WDR70: variants seen among roughly 807,000 people sequenced by gnomAD.
WDR70 encodes WD repeat domain 70, also known as WD repeat-containing protein 70.
WDR70 carries 53 observed loss-of-function variants against 88.6 expected under a neutral mutation model. The observed-to-expected ratio is 0.60, with a 90% CI of 0.48 to 0.75. The LOEUF (loss-of-function observed/expected upper bound fraction) is 0.75, where lower values mean the gene tolerates loss of function less well. Among genes scored for constraint, WDR70 ranks in the 30% least tolerant of loss-of-function variants. The pLI, the probability that WDR70 is intolerant of heterozygous loss-of-function variation, is 0.00. For synonymous variants in WDR70, 280 were observed against 270.0 expected, an observed-to-expected ratio of 1.04 and a Z score of -0.36; for missense variants, 610 against 823.2, an observed-to-expected ratio of 0.74 and a Z score of 3.17.
intron 10 of WDR70, among the ~76,000 whole-genome samples, chr5:37,635,113 CT>C (rs1581453008): frequency 6.6e-6 from 1 of 152,088 alleles, no homozygotes; most frequent in Admixed American, 6.6e-5. Context: ...CCCTGTGCCT[CT>C]TTTACCTATA....
chr5:37,396,546 A>AGAAGAG lies in WDR70; in HGVS notation c.477_482dup (p.Glu163_Glu164dup), dbSNP rs759933034. The AGAAGAG allele has an allele frequency of 6.2e-7, 1 of 1,612,408 alleles. No individual in the cohort carries two copies. The highest frequency in any genetic ancestry group is 1.1e-5 in the South Asian group (1 of 90,866). On this transcript the variant is annotated inframe_insertion, in exon 5 of 18. Transcript: ENST00000265107. The stretch of plus-strand genomic sequence containing the variant: ...AAGAAGAAGAAGAAGCAGAGGAAGA[A>AGAAGAG]GAAGAGGAAGAGGAGGAAGAGGAAG...
At chr5:37,422,356 A>C (rs1225063963) in intron 5 of WDR70, among the ~76,000 whole-genome samples, 1 of 8,066 alleles carries the variant, frequency 1.2e-4, no homozygotes, top group Non-Finnish European at 5.6e-3. Context: ...GCAGTGGTGC[A>C]ATATCGACTT....
chr5:37,620,807 A>G (rs1744487006), intron 10 of WDR70, among the ~76,000 whole-genome samples: 1 of 152,214 alleles, frequency 6.6e-6, no homozygotes, highest in Non-Finnish European at 1.5e-5. Flanking sequence ...CTTTTCAAAC[A>G]TAGCTAAAGC....
intron 7 of WDR70, among the ~76,000 whole-genome samples, chr5:37,453,546 C>T (rs771727584): frequency 1.1e-4 from 17 of 152,328 alleles, no homozygotes; most frequent in Admixed American, 3.3e-4. Flanking sequence ...GCCCTCATTC[C>T]GGTAAACCCA....
Position 37,693,049 on chromosome 5 carries a change from A to G in WDR70, c.1093-4606A>G, listed in dbSNP as rs553788859. Among the ~76,000 whole-genome samples, 5 of 151,508 alleles carry G rather than the reference A, an allele frequency of 3.3e-5. No individual in the cohort carries two copies. The South Asian group carries it at 8.3e-4, about 25-fold the overall frequency. ...GATACAAAATCCATGTGAAAAAATC[A>G]CAAGCATTCCTATACACCAATAACA... On this transcript the variant is annotated intron_variant, in intron 10 of 17. Coordinates refer to ENST00000265107, the MANE Select transcript of WDR70 (RefSeq NM_018034.4).
At chr5:37,614,512 G>A (rs1217662844) in intron 10 of WDR70, among the ~76,000 whole-genome samples, 2 of 152,068 alleles carry the variant, frequency 1.3e-5, no homozygotes, top group Non-Finnish European at 2.9e-5. Flanking sequence ...CTATCATAAT[G>A]GATTCAGAAA....
At chr5:37,550,345 A>G (rs1208628377) in intron 9 of WDR70, among the ~76,000 whole-genome samples, 1 of 152,230 alleles carries the variant, frequency 6.6e-6, no homozygotes, top group African/African-American at 2.4e-5. Flanking sequence ...GATAGTTGGT[A>G]CTATTTCAGT....
chr5:37,438,006 CCT>C (rs778779562), intron 6 of WDR70, 25 bp downstream of exon 6: 3 of 1,591,198 alleles, frequency 1.9e-6, no homozygotes, highest in Non-Finnish European at 2.6e-6. Context: ...CTAGTTTTTT[CCT>C]CTCTCAAATT....
At chr5:37,717,059 G>C (rs998579326) in intron 13 of WDR70, among the ~76,000 whole-genome samples, 20 of 151,954 alleles carry the variant, frequency 1.3e-4, no homozygotes, top group African/African-American at 4.8e-4. Context: ...TCCAGTTCTT[G>C]TCTCTTATTT....
intron 5 of WDR70, among the ~76,000 whole-genome samples, chr5:37,401,316 ATT>A (rs34313185): frequency 2.8e-4 from 35 of 126,978 alleles, no homozygotes; most frequent in African/African-American, 7.9e-4. Flanking sequence ...CCAAAGATTA[ATT>A]TTTTTTTTTT....
At chr5:37,680,441 G>T (rs1219039176) in intron 10 of WDR70, among the ~76,000 whole-genome samples, 2 of 152,140 alleles carry the variant, frequency 1.3e-5, no homozygotes, top group Non-Finnish European at 2.9e-5. Flanking sequence ...TGTCGCGATT[G>T]CTTTTGGCAT....
Position 37,752,607 on chromosome 5 carries a change from G to A in WDR70, c.*34G>A. 6.7e-7 allele frequency: 1 copy of A among 1,500,912 alleles called. No homozygotes were observed. The highest frequency in any genetic ancestry group is 9.2e-7 in the Non-Finnish European group (1 of 1,084,150). The allele number at this position is 1,500,912 out of a possible 1,614,324, so 93.0% of individuals were successfully genotyped here. A position where few individuals can be genotyped will look rare whatever the true frequency, so the allele number is the denominator to read the frequency against. On this transcript the variant is annotated 3_prime_UTR_variant, in exon 18 of 18. Transcript: ENST00000265107. Reference sequence around the variant, plus strand: ...ATTTGAGAGCTGTTTGCATGAGTGGGAGGGGTATGGGACAGGTTTGGGTTT... The same window carrying A: ...ATTTGAGAGCTGTTTGCATGAGTGGAAGGGGTATGGGACAGGTTTGGGTTT...
intron 4 of WDR70, among the ~76,000 whole-genome samples, chr5:37,395,266 G>T (rs1748976091): frequency 2.0e-5 from 3 of 152,140 alleles, no homozygotes; most frequent in Non-Finnish European, 4.4e-5. Context: ...TAGTCCTCAG[G>T]TGTGGTGGAT....
chr5:37,701,190 G>T (rs1374993042), intron 12 of WDR70, 48 bp downstream of exon 12: 5 of 1,232,064 alleles, frequency 4.1e-6, no homozygotes, highest in Non-Finnish European at 5.9e-6. Context: ...GAATGGAAAA[G>T]AAGTACTTTT....
intron 8 of WDR70, chr5:37,506,864 T>G: frequency 8.3e-7 from 1 of 1,207,242 alleles, no homozygotes; most frequent in Non-Finnish European, 1.2e-6. Context: ...CTCATTGCGC[T>G]GCCCCCGGTG....
intron 10 of WDR70, among the ~76,000 whole-genome samples, chr5:37,618,805 GA>G (rs1442303815): frequency 2.0e-5 from 3 of 152,112 alleles, no homozygotes; most frequent in African/African-American, 7.2e-5. Flanking sequence ...ATTTTTAAAA[GA>G]ATCATTCTGG....
At chr5:37,506,628 G>T (rs1203616670) in intron 8 of WDR70, 1 of 777,828 alleles carries the variant, frequency 1.3e-6, no homozygotes, top group African/African-American at 1.7e-5. Context: ...AGGAGGCTTA[G>T]AATCTGTCTG....
chr5:37,615,594 T>C (rs1744316535), intron 10 of WDR70, among the ~76,000 whole-genome samples: 1 of 152,204 alleles, frequency 6.6e-6, no homozygotes, highest in Non-Finnish European at 1.5e-5. Flanking sequence ...TTACTTTTAG[T>C]GACTGCTCAC....
chr5:37,541,176 G>A (rs538824735), intron 9 of WDR70, among the ~76,000 whole-genome samples: 1 of 152,304 alleles, frequency 6.6e-6, no homozygotes, highest in African/African-American at 2.4e-5. Flanking sequence ...TTCACTGTGA[G>A]TGACTTAACC....
Sources: allele counts gnomAD v4.1 joint callset (sites outside exome capture counted in the v4.1 genomes callset), GRCh38; gene constraint gnomAD v4.1.1; transcripts MANE v1.5; gene names NCBI Gene and HGNC (gene_info 2026-07-23, HGNC 2026-07-21).